Variants in CTNNA3 observed in about 807,000 individuals in gnomAD.
CTNNA3 encodes the protein catenin alpha 3.
In CTNNA3, 76 loss-of-function variants were observed where a neutral mutation model predicts 95.7. The observed-to-expected ratio is 0.79, with a 90% confidence interval of 0.66 to 0.96. The LOEUF (loss-of-function observed/expected upper bound fraction) is 0.96, where lower values mean the gene tolerates loss of function less well. Among genes scored for constraint, CTNNA3 ranks in the 40% least tolerant of loss-of-function variants. The pLI is 0.00. For missense variants in CTNNA3, 1,191 were observed against 1,089.8 expected, an observed-to-expected ratio of 1.09 and a Z score of -1.31; for synonymous variants, 431 against 374.4, an observed-to-expected ratio of 1.15 and a Z score of -1.74.
At chr10:67,424,820 C>A (rs1845861405) in intron 5 of CTNNA3, among the ~76,000 whole-genome samples, 2 of 151,996 alleles carry the variant, frequency 1.3e-5, no homozygotes, top group South Asian at 4.1e-4. Flanking sequence ...ATCTTTGTTA[C>A]CCAAGCATCA....
At chr10:66,305,030 G>C (rs542064643) in intron 12 of CTNNA3, among the ~76,000 whole-genome samples, 7 of 151,970 alleles carry the variant, frequency 4.6e-5, no homozygotes, top group Non-Finnish European at 1.0e-4. Flanking sequence ...GGTGGCACAC[G>C]CAACTTCTCA....
rs187854820 is a variant in CTNNA3 at position 67,206,646 on chromosome 10, G to A, written c.843+12961C>T. On this transcript the variant is annotated intron_variant, in intron 6 of 17. Coordinates refer to ENST00000433211, the MANE Select transcript of CTNNA3 (RefSeq NM_013266.4). ...TCAACAAAAAGCACTTCCACTTAGG[G>A]AAGAAAAGACCTTCAAAAAAAAAAA... 2.4e-4 allele frequency among the ~76,000 whole-genome samples: 35 copies of A among 148,914 alleles called. No individual in the cohort carries two copies. In the East Asian group the frequency reaches 6.8e-3, roughly 29 times the overall value.
At chr10:67,450,863 T>C (rs1846953569) in intron 5 of CTNNA3, among the ~76,000 whole-genome samples, 3 of 151,954 alleles carry the variant, frequency 2.0e-5, no homozygotes, top group South Asian at 4.1e-4. Flanking sequence ...ATAAATTGTA[T>C]GTAATTTATA....
intron 5 of CTNNA3, among the ~76,000 whole-genome samples, chr10:67,464,268 C>T (rs916717196): frequency 1.3e-5 from 2 of 152,258 alleles, no homozygotes; most frequent in Middle Eastern, 3.4e-3. Context: ...CTATAGCAGT[C>T]TTTCGCTCCC....
intron 13 of CTNNA3, among the ~76,000 whole-genome samples, chr10:66,247,368 A>C (rs1033202000): frequency 6.6e-6 from 1 of 152,140 alleles, no homozygotes; most frequent in South Asian, 2.1e-4. Context: ...GGAATTTGCT[A>C]TCCTGAAGAG....
chr10:66,744,343 A>G (rs979769877), intron 9 of CTNNA3, among the ~76,000 whole-genome samples: 8 of 152,190 alleles, frequency 5.3e-5, no homozygotes, highest in African/African-American at 1.9e-4. Flanking sequence ...TGCACATGAC[A>G]TTCTAATTTG....
At chr10:65,957,034 T>C (rs938021119) in intron 17 of CTNNA3, among the ~76,000 whole-genome samples, 1 of 152,208 alleles carries the variant, frequency 6.6e-6, no homozygotes, top group African/African-American at 2.4e-5. Context: ...AGTCTCTTTG[T>C]AGGTCTCTAA....
At chr10:67,429,211 T>C (rs1846025617) in intron 5 of CTNNA3, among the ~76,000 whole-genome samples, 1 of 152,016 alleles carries the variant, frequency 6.6e-6, no homozygotes, top group South Asian at 2.1e-4. Flanking sequence ...AGCCCTAAAA[T>C]TATCAAAATC....
intron 11 of CTNNA3, among the ~76,000 whole-genome samples, chr10:66,433,084 T>C (rs1276092401): frequency 1.3e-5 from 2 of 152,208 alleles, no homozygotes; most frequent in Non-Finnish European, 2.9e-5. Flanking sequence ...GTCTTTGCTA[T>C]TGTGAATAGT....
At chr10:67,401,355 G>A (rs912704817) in intron 5 of CTNNA3, among the ~76,000 whole-genome samples, 19 of 152,154 alleles carry the variant, frequency 1.2e-4, no homozygotes, top group African/African-American at 3.9e-4. Context: ...CACTCCCACA[G>A]AAAGAGACCC....
intron 5 of CTNNA3, 33 bp downstream of exon 5, chr10:67,521,809 A>G (rs757422969): frequency 1.2e-6 from 2 of 1,603,236 alleles, no homozygotes; most frequent in Non-Finnish European, 8.5e-7. Context: ...TAAAGTGTTC[A>G]TCTCCTCCAC....
At chr10:66,341,339 G>C (rs1464504814) in intron 12 of CTNNA3, among the ~76,000 whole-genome samples, 1 of 151,782 alleles carries the variant, frequency 6.6e-6, no homozygotes, top group Non-Finnish European at 1.5e-5. Flanking sequence ...AGATAATAAA[G>C]GACTTAAATA....
intron 7 of CTNNA3, among the ~76,000 whole-genome samples, chr10:66,915,445 A>C (rs1431203505): frequency 6.6e-6 from 1 of 152,050 alleles, no homozygotes; most frequent in Non-Finnish European, 1.5e-5. Flanking sequence ...TGGACTAAAA[A>C]ACTTAGACAT....
At chr10:67,257,825 T>A (rs1346966829) in intron 5 of CTNNA3, among the ~76,000 whole-genome samples, 1 of 152,190 alleles carries the variant, frequency 6.6e-6, no homozygotes, top group African/African-American at 2.4e-5. Flanking sequence ...TTGTGTAAAT[T>A]TTTGTGAATA....
At chr10:66,569,329 G>C (rs963505532) in intron 10 of CTNNA3, among the ~76,000 whole-genome samples, 1 of 152,036 alleles carries the variant, frequency 6.6e-6, no homozygotes, top group African/African-American at 2.4e-5. Flanking sequence ...CATTATCAAG[G>C]TTAATAAGAG....
chr10:66,553,243 A>G (rs1373218966), intron 10 of CTNNA3, among the ~76,000 whole-genome samples: 1 of 151,962 alleles, frequency 6.6e-6, no homozygotes, highest in Non-Finnish European at 1.5e-5. Flanking sequence ...ACTTTGCTAT[A>G]TGACTCATTT....
chr10:66,481,461 CTTTTTTTTT>C (rs148278459), intron 11 of CTNNA3, among the ~76,000 whole-genome samples: 2 of 73,204 alleles, frequency 2.7e-5, no homozygotes, highest in Non-Finnish European at 4.8e-5. Context: ...TCCCTTGTTT[CTTTTTTTTT>C]TTTTTTTTTT....
intron 9 of CTNNA3, among the ~76,000 whole-genome samples, chr10:66,650,598 G>A (rs932954040): frequency 2.6e-5 from 4 of 152,190 alleles, no homozygotes; most frequent in Non-Finnish European, 4.4e-5. Flanking sequence ...TAAAGATGGT[G>A]TGTCCGGAGT....
At chr10:66,705,286 G>A (rs1226211089) in intron 9 of CTNNA3, among the ~76,000 whole-genome samples, 1 of 151,816 alleles carries the variant, frequency 6.6e-6, no homozygotes, top group Non-Finnish European at 1.5e-5. Flanking sequence ...ATAAATTTTT[G>A]TATCTATATT....
Sources: allele counts gnomAD v4.1 joint callset (sites outside exome capture counted in the v4.1 genomes callset), GRCh38; gene constraint gnomAD v4.1.1; transcripts MANE v1.5; gene names NCBI Gene and HGNC (gene_info 2026-07-23, HGNC 2026-07-21).